EVC: variants seen among roughly 807,000 people sequenced by gnomAD.
EVC encodes the protein EvC ciliary complex subunit 1, also known as evC complex member EVC.
In EVC, 116 loss-of-function variants were observed where a neutral mutation model predicts 118.9. The observed-to-expected ratio is 0.98, with a 90% CI of 0.84 to 1.14. The LOEUF is 1.14. Among genes scored for constraint, EVC ranks in the 50% most tolerant of loss-of-function variants. The probability of loss-of-function intolerance (pLI) is 0.00; values close to 1 mark genes in which losing one functional copy is unlikely to be tolerated. For synonymous variants in EVC, 619 were observed against 534.7 expected, an observed-to-expected ratio of 1.16 and a Z score of -2.18; for missense variants, 1,401 against 1,246.4, an observed-to-expected ratio of 1.12 and a Z score of -1.87.
At chr4:5,824,591 G>A in the EVC span, 10 of 954,588 alleles carry the variant, frequency 1.0e-5, no homozygotes, top group African/African-American at 7.1e-5. Flanking sequence ...CCGGCCCACC[G>A]CCTGTTTCTG....
Position 5,789,244 on chromosome 4 carries a change from C to T in EVC, c.1777-4364C>T, listed in dbSNP as rs115776811. On this transcript the variant is annotated intron_variant, in intron 12 of 20. Transcript: ENST00000264956. This position sits in a 1 kb window ranked among gnomAD's most constrained non-coding sequence, Gnocchi z 4.3. The stretch of plus-strand genomic sequence containing the variant: ...CACACAGCATGAAAGTCAGAGTCCT[C>T]GCCACACTCTGCAAAGCCCACCATG... 2.0e-3 allele frequency among the ~76,000 whole-genome samples: 297 copies of T among 152,242 alleles called. 1 individual carries two copies. The highest frequency in any genetic ancestry group is 3.3e-3 in the Admixed American group (50 of 15,296).
intron 1 of EVC, among the ~76,000 whole-genome samples, chr4:5,716,810 C>G (rs2151822384): frequency 6.6e-6 from 1 of 152,288 alleles, no homozygotes. Context: ...AAAGGGGGGA[C>G]TCTGCTTCAT....
At chr4:5,816,101 T>G (rs111582316), downstream of EVC, among the ~76,000 whole-genome samples, 3,379 of 152,224 alleles carry the variant, frequency 0.022, 53 homozygotes, top group Non-Finnish European at 0.035. Context: ...ATCCCAGAGA[T>G]TCTGAGTCAG....
At chr4:5,730,389 T>C (rs573417479) in intron 3 of EVC, among the ~76,000 whole-genome samples, 4 of 151,832 alleles carry the variant, frequency 2.6e-5, no homozygotes, top group East Asian at 3.9e-4. Context: ...AATTTTTCCA[T>C]GGAAACTTTG....
intron 11 of EVC, among the ~76,000 whole-genome samples, chr4:5,769,773 C>T (rs1733660009): frequency 6.6e-6 from 1 of 152,156 alleles, no homozygotes; most frequent in Non-Finnish European, 1.5e-5. Flanking sequence ...TTCTCAGCTT[C>T]AGGCTGTCCC....
chr4:5,807,372 G>GC (rs1295536612), intron 17 of EVC, among the ~76,000 whole-genome samples: 2 of 152,202 alleles, frequency 1.3e-5, no homozygotes, highest in Non-Finnish European at 2.9e-5. Context: ...AGAGTGTGAG[G>GC]TAGGAGCAGG....
intron 19 of EVC, 132 bp from the exon 20 acceptor site, chr4:5,810,207 A>G (rs1417542783): frequency 5.3e-6 from 4 of 748,284 alleles, no homozygotes; most frequent in South Asian, 1.5e-5. Flanking sequence ...CTGCAATAGC[A>G]TAAGATACCA....
the EVC span, among the ~76,000 whole-genome samples, chr4:5,822,874 A>C: frequency 6.6e-6 from 1 of 152,252 alleles, no homozygotes; most frequent in East Asian, 1.9e-4. Context: ...CATTATCAGT[A>C]CTGCACAAAG....
In EVC at chr4:5,741,708, G is replaced by C. The variant is rs1256118299; in HGVS notation, c.703-8G>C. The C allele has an allele frequency of 6.6e-7, 1 of 1,516,678 alleles. No individual in the cohort carries two copies. Among genetic ancestry groups the C allele is most frequent in the African/African-American group, 1.4e-5 (1 of 73,054 alleles). The allele number at this position is 1,516,678 out of a possible 1,614,324, so 94.0% of individuals were successfully genotyped here. On this transcript the variant is annotated splice_region_variant and splice_polypyrimidine_tract_variant and intron_variant, in intron 5 of 20. Transcript: ENST00000264956. The stretch of plus-strand genomic sequence containing the variant: ...TTTCTTTTGTTATCTTTCCTTTCTT[G>C]GCAATAGATGTTTATTCAGATTTTT...
At chr4:5,736,532 T>C (rs560647927) in intron 5 of EVC, among the ~76,000 whole-genome samples, 150 of 151,530 alleles carry the variant, frequency 9.9e-4, no homozygotes, top group African/African-American at 3.4e-3. Context: ...TTTTACAAAT[T>C]GAAGGGTTTT....
Position 5,719,514 on chromosome 4 carries a change from C to G in EVC, c.300+141C>G. On this transcript the variant is annotated intron_variant, in intron 2 of 20. Transcript: ENST00000264956. The surrounding 1 kb of genome is among the most constrained non-coding windows in gnomAD (Gnocchi z 4.7). ...GCTTTTCTGAGGCATAATTTACATA[C>G]AGTCAAATGCGCAGACTTTAGGTTT... 1 of 1,222,766 alleles carries G rather than the reference C, an allele frequency of 8.2e-7. No individual in the cohort carries two copies. The highest frequency in any genetic ancestry group is 1.2e-6 in the Non-Finnish European group (1 of 839,842). 75.7% of individuals were successfully genotyped at this position (1,222,766 alleles called of 1,614,324 possible).
Position 5,719,117 on chromosome 4 carries a change from A to G in EVC, c.175-131A>G. 1 of 1,229,584 alleles carries G rather than the reference A, an allele frequency of 8.1e-7. No homozygotes were observed. The highest frequency in any genetic ancestry group is 1.2e-6 in the Non-Finnish European group (1 of 840,716). 76.2% of individuals were successfully genotyped at this position (1,229,584 alleles called of 1,614,324 possible). A position where few individuals can be genotyped will look rare whatever the true frequency, so the allele number is the denominator to read the frequency against. ...TCACACACAGAAGACCAAGCTTGAG[A>G]AGCACAGAGGCGAGCAGAAGTGGCT... On this transcript the variant is annotated intron_variant, in intron 1 of 20. Transcript: ENST00000264956. This position sits in a 1 kb window ranked among gnomAD's most constrained non-coding sequence, Gnocchi z 4.7.
chr4:5,753,272 G>T (rs1194511550), intron 9 of EVC, among the ~76,000 whole-genome samples: 1 of 152,208 alleles, frequency 6.6e-6, no homozygotes, highest in Non-Finnish European at 1.5e-5. Context: ...CCCAGGGCAG[G>T]GGTCACCTGC....
chr4:5,753,896 A>G lies in EVC; in HGVS notation c.1427A>G (p.Glu476Gly). The change falls in exon 10 of 21, where the codon GAG becomes GGG. Residue 476 changes from glutamate to glycine, a missense_variant. Coordinates refer to ENST00000264956, the MANE Select transcript of EVC (RefSeq NM_153717.3). The part of the protein sequence containing the change: ...QEEEQRSFLA[E>G]AQPTADPEKF... ...GAGGAACAGAGAAGCTTCCTGGCTG[A>G]GGCCCAGCCGACTGCTGACCCGGAA... is the stretch of plus-strand genomic sequence containing the variant. 2 of 1,613,734 alleles carry G rather than the reference A, an allele frequency of 1.2e-6. No individual in the cohort carries two copies. Among genetic ancestry groups the G allele is most frequent in the Admixed American group, 1.7e-5 (1 of 60,020 alleles).
Position 5,755,743 on chromosome 4 carries a change from C to G in EVC, c.1465-521C>G, listed in dbSNP as rs1197783757. ...TCCTTCTGCCCCACCTCGCCCCTCG[C>G]TGATGCTCTGTTTAGGGCTGGCTGG... On this transcript the variant is annotated intron_variant, in intron 10 of 20. Coordinates refer to ENST00000264956, the MANE Select transcript of EVC (RefSeq NM_153717.3). The surrounding 1 kb of genome is among the most constrained non-coding windows in gnomAD (Gnocchi z 4.1). Among the ~76,000 whole-genome samples, 1 of 152,176 alleles carries G rather than the reference C, an allele frequency of 6.6e-6. No individual in the cohort carries two copies. The highest frequency in any genetic ancestry group is 2.4e-5 in the African/African-American group (1 of 41,452).
intron 8 of EVC, among the ~76,000 whole-genome samples, chr4:5,750,078 A>G (rs1006604198): frequency 3.9e-5 from 6 of 152,146 alleles, no homozygotes; most frequent in African/African-American, 1.4e-4. Flanking sequence ...CACTGCCGAA[A>G]GATAGGTATG....
chr4:5,776,977 T>C (rs922379126), intron 11 of EVC, among the ~76,000 whole-genome samples: 3 of 152,186 alleles, frequency 2.0e-5, no homozygotes, highest in Non-Finnish European at 2.9e-5. Flanking sequence ...GTCTTGTAAT[T>C]ACATGCTGAC....
chr4:5,745,272 C>T lies in EVC; in HGVS notation c.870C>T (p.Asp290=), dbSNP rs1300883042. Residue 290 remains aspartate (D), a synonymous_variant, in exon 7 of 21, where the codon GAC becomes GAT. Coordinates refer to ENST00000264956, the MANE Select transcript of EVC (RefSeq NM_153717.3). ...LSNTEMSGAG[D]SEYITLADVE... is the part of the protein sequence containing the mutation. ...ACACAGAAATGTCGGGGGCTGGTGA[C>T]TCTGAGTACATCACCCTGGCTGATG... 1 of 1,613,910 alleles carries T rather than the reference C, an allele frequency of 6.2e-7. No individual in the cohort carries two copies. The highest frequency in any genetic ancestry group is 2.2e-5 in the East Asian group (1 of 44,870).
intron 17 of EVC, among the ~76,000 whole-genome samples, 177 bp from the exon 18 acceptor site, chr4:5,808,024 A>G (rs1716204424): frequency 6.6e-6 from 1 of 152,064 alleles, no homozygotes. Flanking sequence ...TTTGATGGAG[A>G]GGCAGCCTGC....
Sources: gnomAD v4.1 joint callset for allele counts (sites outside exome capture counted in the v4.1 genomes callset) on GRCh38, gnomAD v4.1.1 for gene constraint, Gnocchi (gnomAD v3.1) non-coding constraint, MANE v1.5 for transcripts, NCBI Gene and HGNC (gene_info 2026-07-23, HGNC 2026-07-21) for gene names.